The following PRKCE variants were observed in gnomAD, a reference collection of about 807,000 sequenced individuals.
PRKCE encodes the protein protein kinase C epsilon, also known as protein kinase C epsilon type.
Under a neutral mutation model 85.4 loss-of-function variants are expected in PRKCE, and 16 were observed. The ratio of observed to expected loss-of-function variants is 0.19; its 90% CI spans 0.13 to 0.28. PRKCE has a LOEUF of 0.28. PRKCE is among the 10% of genes least tolerant of loss of function. The pLI, the probability that PRKCE is intolerant of heterozygous loss-of-function variation, is 1.00. For synonymous variants in PRKCE, 388 were observed against 371.5 expected, an observed-to-expected ratio of 1.04 and a Z score of -0.51; for missense variants, 573 against 975.2, an observed-to-expected ratio of 0.59 and a Z score of 5.49.
At chr2:45,936,298 T>C (rs1344942602) in intron 2 of PRKCE, among the ~76,000 whole-genome samples, 1 of 152,186 alleles carries the variant, frequency 6.6e-6, no homozygotes, top group Admixed American at 6.5e-5. Context: ...TCAATTCTTT[T>C]CCCTGCTCTC....
rs1676025676 is a variant in PRKCE at position 46,145,887 on chromosome 2, A to T, written c.1731+656A>T. On this transcript the variant is annotated intron_variant, in intron 12 of 14. Transcript: ENST00000306156. This position sits in a 1 kb window ranked among gnomAD's most constrained non-coding sequence, Gnocchi z 4.6. ...TGTCTCAATAAAAAAAAAAGTAAAAAATAAAATCAGAATAAAGGAGCATCA... is the reference window on the plus strand; with the variant it reads ...TGTCTCAATAAAAAAAAAAGTAAAATATAAAATCAGAATAAAGGAGCATCA... Among the ~76,000 whole-genome samples the T allele has an allele frequency of 1.3e-5, 2 of 152,168 alleles. No homozygotes were observed. Among genetic ancestry groups the T allele is most frequent in the South Asian group, 4.1e-4 (2 of 4,824 alleles).
intron 1 of PRKCE, chr2:45,770,923 A>G (rs1405935575): frequency 1.3e-5 from 2 of 151,338 alleles, no homozygotes; most frequent in African/African-American, 4.9e-5. Flanking sequence ...TATTGAGCTG[A>G]TTAATGTGAG....
At chr2:45,844,292 G>A (rs951877665) in intron 2 of PRKCE, among the ~76,000 whole-genome samples, 8 of 152,160 alleles carry the variant, frequency 5.3e-5, no homozygotes, top group Non-Finnish European at 8.8e-5. Context: ...ACTTTAAACA[G>A]CCTTCCAAAA....
At chr2:46,048,882 G>T (rs1708685219) in intron 10 of PRKCE, among the ~76,000 whole-genome samples, 1 of 152,168 alleles carries the variant, frequency 6.6e-6, no homozygotes, top group African/African-American at 2.4e-5. Context: ...CAGACAGAAT[G>T]CACTCTGCAC....
intron 11 of PRKCE, among the ~76,000 whole-genome samples, chr2:46,143,095 C>A (rs1037465542): frequency 1.3e-5 from 2 of 152,190 alleles, no homozygotes; most frequent in Admixed American, 6.5e-5. Context: ...TAATCACCTA[C>A]CTTCTTCCAG....
At chr2:45,695,859 G>A (rs72884465) in intron 1 of PRKCE, among the ~76,000 whole-genome samples, 1 of 152,164 alleles carries the variant, frequency 6.6e-6, no homozygotes, top group East Asian at 1.9e-4. Context: ...GCAGAAAAAA[G>A]AAACAGATTT....
At chr2:46,140,587 T>G (rs1675418379) in intron 11 of PRKCE, among the ~76,000 whole-genome samples, 1 of 152,178 alleles carries the variant, frequency 6.6e-6, no homozygotes, top group South Asian at 2.1e-4. Context: ...GGAGAAACCC[T>G]GGGAGAATAC....
At chr2:46,005,423 C>G (rs1206802644) in intron 8 of PRKCE, among the ~76,000 whole-genome samples, 4 of 152,114 alleles carry the variant, frequency 2.6e-5, no homozygotes, top group Non-Finnish European at 2.9e-5. Flanking sequence ...GACAATGGTG[C>G]CTTGGTTTTT....
In PRKCE at chr2:45,786,147, T is replaced by C. The variant is rs552926042; in HGVS notation, c.349-56853T>C. On this transcript the variant is annotated intron_variant, in intron 1 of 14. Coordinates refer to ENST00000306156, the MANE Select transcript of PRKCE (RefSeq NM_005400.3). The surrounding 1 kb of genome is among the most constrained non-coding windows in gnomAD (Gnocchi z 5.3). ...TCTTTATTTGAAATGAGCAATGTAT[T>C]ATTAGCAAGGGGCATTGATTGCAGT... 6.6e-6 allele frequency among the ~76,000 whole-genome samples: 1 copy of C among 152,268 alleles called. No homozygotes were observed. Among genetic ancestry groups the C allele is most frequent in the South Asian group, 2.1e-4 (1 of 4,826 alleles).
intron 1 of PRKCE, among the ~76,000 whole-genome samples, chr2:45,736,845 G>A (rs1209643084): frequency 2.0e-5 from 3 of 152,214 alleles, no homozygotes; most frequent in African/African-American, 7.2e-5. Flanking sequence ...TGCATCCTCA[G>A]AGGCTTCAGA....
chr2:46,061,500 C>T (rs183084149), intron 10 of PRKCE, among the ~76,000 whole-genome samples: 33 of 152,190 alleles, frequency 2.2e-4, no homozygotes, highest in Admixed American at 3.3e-4. Context: ...CTCTCAAGTC[C>T]GTTGTTACTG....
intron 2 of PRKCE, among the ~76,000 whole-genome samples, chr2:45,926,967 T>C (rs1698667823): frequency 6.6e-6 from 1 of 152,040 alleles, no homozygotes; most frequent in South Asian, 2.1e-4. Flanking sequence ...TATGTGCATG[T>C]GTGAGCGTGC....
chr2:45,745,181 C>T (rs1168554511), intron 1 of PRKCE, among the ~76,000 whole-genome samples: 1 of 152,160 alleles, frequency 6.6e-6, no homozygotes, highest in Non-Finnish European at 1.5e-5. Context: ...CATGCGGGTC[C>T]TGCAAACCAT....
intron 10 of PRKCE, among the ~76,000 whole-genome samples, chr2:46,084,677 G>T (rs970570709): frequency 7.1e-6 from 1 of 140,824 alleles, no homozygotes; most frequent in African/African-American, 2.7e-5. Flanking sequence ...AGCTGAGATC[G>T]CACCACTGCA....
intron 11 of PRKCE, among the ~76,000 whole-genome samples, chr2:46,122,597 C>T (rs768952371): frequency 6.6e-6 from 1 of 152,142 alleles, no homozygotes; most frequent in Non-Finnish European, 1.5e-5. Flanking sequence ...GGCGAGGTTA[C>T]ATCCCTCTGA....
At chr2:45,721,975 A>C (rs1303475773) in intron 1 of PRKCE, among the ~76,000 whole-genome samples, 2 of 151,764 alleles carry the variant, frequency 1.3e-5, no homozygotes, top group African/African-American at 2.4e-5. Context: ...ATCAAAATTT[A>C]AGTTATTTAA....
chr2:45,984,408 G>A (rs1703147159), intron 5 of PRKCE, 143 bp from the exon 6 acceptor site: 3 of 1,167,994 alleles, frequency 2.6e-6, no homozygotes, highest in Non-Finnish European at 3.6e-6. Context: ...TTTCACCTCA[G>A]GGCAGCTTTT....
At chr2:46,036,575 G>A (rs779316916) in intron 10 of PRKCE, among the ~76,000 whole-genome samples, 1 of 152,156 alleles carries the variant, frequency 6.6e-6, no homozygotes, top group African/African-American at 2.4e-5. Context: ...GGGCTACAGA[G>A]CAAGACCTTG....
intron 2 of PRKCE, among the ~76,000 whole-genome samples, chr2:45,887,145 TG>T (rs1305084598): frequency 1.3e-5 from 2 of 152,242 alleles, no homozygotes; most frequent in East Asian, 1.9e-4. Context: ...GCCTCGTTCC[TG>T]CTTGATAGGC....
Sources: gnomAD v4.1 joint callset for allele counts (sites outside exome capture counted in the v4.1 genomes callset) on GRCh38, gnomAD v4.1.1 for gene constraint, Gnocchi (gnomAD v3.1) non-coding constraint, MANE v1.5 for transcripts, NCBI Gene and HGNC (gene_info 2026-07-23, HGNC 2026-07-21) for gene names.